The following LYPD6 variants were observed in gnomAD, a reference collection of about 807,000 sequenced individuals.
LYPD6 encodes ly6/PLAUR domain-containing protein 6.
A neutral mutation model predicts 22.7 loss-of-function variants in LYPD6; 15 were observed. That is an observed-to-expected ratio of 0.66 (90% CI 0.44 to 1.02). The LOEUF (loss-of-function observed/expected upper bound fraction) is 1.02, where lower values mean the gene tolerates loss of function less well. Among genes scored for constraint, LYPD6 ranks in the 50% least tolerant of loss-of-function variants. The pLI, the probability that LYPD6 is intolerant of heterozygous loss-of-function variation, is 0.00. For missense variants in LYPD6, 189 were observed against 208.4 expected (o/e 0.91, Z 0.57); for synonymous variants, 72 against 77.5 (o/e 0.93, Z 0.37).
chr2:149,451,408 C>T (rs1009749741), intron 3 of LYPD6, among the ~76,000 whole-genome samples: 4 of 152,306 alleles, frequency 2.6e-5, no homozygotes, highest in Middle Eastern at 3.4e-3. Context: ...GGGACACATT[C>T]GGACCATAGC....
intron 2 of LYPD6, among the ~76,000 whole-genome samples, chr2:149,445,862 C>G (rs879415342): frequency 1.3e-5 from 2 of 152,188 alleles, no homozygotes; most frequent in Non-Finnish European, 2.9e-5. Flanking sequence ...AGAACCTTTC[C>G]TTTATATTTA....
chr2:149,479,679 T>C, the LYPD6 span, among the ~76,000 whole-genome samples: 111 of 152,266 alleles, frequency 7.3e-4, no homozygotes, highest in African/African-American at 2.6e-3. Flanking sequence ...CTCTTTCAAG[T>C]CTATCCACTC....
intron 1 of LYPD6, among the ~76,000 whole-genome samples, chr2:149,365,452 T>G (rs548219053): frequency 1.3e-5 from 2 of 152,354 alleles, no homozygotes; most frequent in East Asian, 3.9e-4. Context: ...TGTCAGAACC[T>G]GTCTTTGGCT....
chr2:149,388,170 C>T (rs1682229146), intron 1 of LYPD6, among the ~76,000 whole-genome samples: 2 of 95,032 alleles, frequency 2.1e-5, no homozygotes, highest in South Asian at 3.5e-4. Flanking sequence ...CTTTCTTTCT[C>T]TCTCTCTCTC....
chr2:149,460,385 A>T (rs2105174143), intron 3 of LYPD6, among the ~76,000 whole-genome samples: 1 of 152,252 alleles, frequency 6.6e-6, no homozygotes, highest in Admixed American at 6.5e-5. Flanking sequence ...TACCAGAGGC[A>T]GAGAGGAACA....
At chr2:149,358,719 AG>A (rs1353931181) in intron 1 of LYPD6, among the ~76,000 whole-genome samples, 4 of 152,134 alleles carry the variant, frequency 2.6e-5, no homozygotes, top group Non-Finnish European at 5.9e-5. Flanking sequence ...TCTAGATATT[AG>A]TAGTTTTCCA....
In LYPD6 at chr2:149,471,179, C is replaced by T. The variant is rs1681326724; in HGVS notation, c.*329C>T. The T allele has an allele frequency of 4.9e-6, 1 of 203,700 alleles. No individual in the cohort carries two copies. Among genetic ancestry groups the T allele is most frequent in the Non-Finnish European group, 1.0e-5 (1 of 99,910 alleles). 12.6% of individuals were successfully genotyped at this position (203,700 alleles called of 1,614,324 possible). The stretch of plus-strand genomic sequence containing the variant: ...AATACATGCATGAGATGCAGTAGGT[C>T]CTGAGACTGTAAGATATTAGGAGTA... On this transcript the variant is annotated 3_prime_UTR_variant, in exon 5 of 5. Transcript: ENST00000334166.
intron 3 of LYPD6, among the ~76,000 whole-genome samples, chr2:149,467,744 TA>T (rs1681232974): frequency 6.6e-6 from 1 of 152,190 alleles, no homozygotes; most frequent in African/African-American, 2.4e-5. Flanking sequence ...TTTTCTTTTT[TA>T]ATGTGAAAGT....
At position 149,472,959 on chromosome 2, in the gene LYPD6, T is replaced by C. The variant is rs574877479; in HGVS notation, c.*2109T>C. The C allele has an allele frequency of 6.6e-6, 1 of 152,652 alleles. No homozygotes were observed. Among genetic ancestry groups the C allele is most frequent in the Non-Finnish European group, 1.5e-5 (1 of 68,034 alleles). The allele number at this position is 152,652 out of a possible 1,614,324, so 9.5% of individuals were successfully genotyped here. ...CACCCTGCTGTTGCAGGATGCTATT[T>C]GCATGTGTCCCCAGGTGATGTTTTT... On this transcript the variant is annotated 3_prime_UTR_variant, in exon 5 of 5. Coordinates refer to ENST00000334166, the MANE Select transcript of LYPD6 (RefSeq NM_194317.5).
At chr2:149,406,861 T>C (rs2105116644) in intron 1 of LYPD6, among the ~76,000 whole-genome samples, 1 of 151,074 alleles carries the variant, frequency 6.6e-6, no homozygotes, top group South Asian at 2.1e-4. Context: ...GATTTTGCAG[T>C]GGCTGGTATC....
chr2:149,421,020 T>G (rs901159009), intron 1 of LYPD6, among the ~76,000 whole-genome samples: 8 of 152,190 alleles, frequency 5.3e-5, no homozygotes, highest in African/African-American at 1.9e-4. Flanking sequence ...AGAGCCATCA[T>G]GAGGAGTTTT....
intron 3 of LYPD6, among the ~76,000 whole-genome samples, chr2:149,459,240 A>T (rs1470304216): frequency 6.6e-6 from 1 of 152,230 alleles, no homozygotes; most frequent in African/African-American, 2.4e-5. Flanking sequence ...AGTCAATGGT[A>T]CAATATTTTC....
intron 1 of LYPD6, among the ~76,000 whole-genome samples, chr2:149,405,878 T>C (rs564954158): frequency 6.7e-6 from 1 of 148,690 alleles, no homozygotes; most frequent in East Asian, 1.9e-4. Context: ...TTTAGTGCTA[T>C]AAATTTCCCT....
Position 149,468,744 on chromosome 2 carries a change from G to T in LYPD6, c.317G>T (p.Gly106Val). 1.9e-6 allele frequency: 3 copies of T among 1,613,600 alleles called. No homozygotes were observed. The highest frequency in any genetic ancestry group is 2.5e-6 in the Non-Finnish European group (3 of 1,179,702). The change falls in exon 4 of 5, where the codon GGC (glycine) becomes GTC (valine). Residue 106 changes from glycine to valine, a missense_variant. Transcript: ENST00000334166. ...CCACTGGAAGAGTGCTTATCCACTG[G>T]CTGCAGAGACTCCGAGCATGAAGGC... ...CVPLEECLST[G>V]CRDSEHEGHK...
chr2:149,392,150 T>A (rs1053549225), intron 1 of LYPD6, among the ~76,000 whole-genome samples: 3 of 152,094 alleles, frequency 2.0e-5, no homozygotes, highest in African/African-American at 7.2e-5. Context: ...TGGTGCCCCT[T>A]CCTATATAGG....
At chr2:149,480,724 TG>T in the LYPD6 span, among the ~76,000 whole-genome samples, 1 of 152,184 alleles carries the variant, frequency 6.6e-6, no homozygotes, top group Non-Finnish European at 1.5e-5. Context: ...GTTTCCTCGT[TG>T]TTGGGGGAGC....
rs145563957 is a variant in LYPD6 at position 149,463,530 on chromosome 2, G to T, written c.218-5115G>T. On this transcript the variant is annotated intron_variant, in intron 3 of 4. Coordinates refer to ENST00000334166, the MANE Select transcript of LYPD6 (RefSeq NM_194317.5). ...ACATAACCCAGCAGTTTCACTTCTG[G>T]TCACTCATACAGAGAAGTAAAAAGT... 9.2e-5 allele frequency among the ~76,000 whole-genome samples: 14 copies of T among 152,254 alleles called. No homozygotes were observed. In the East Asian group the frequency reaches 2.7e-3, roughly 29 times the overall value.
chr2:149,398,691 G>T lies in LYPD6; in HGVS notation c.-71-38947G>T, dbSNP rs79377155. ...GCTGTTCACAGTTCCCAAACAGCTC[G>T]ACCTGAATTGAACTCTGAGGGTGAA... On this transcript the variant is annotated intron_variant, in intron 1 of 4. Transcript: ENST00000334166. 8.2e-3 allele frequency among the ~76,000 whole-genome samples: 1,247 copies of T among 152,106 alleles called. 21 individuals are homozygous for T. Among genetic ancestry groups the T allele is most frequent in the African/African-American group, 0.028 (1,164 of 41,464 alleles).
chr2:149,451,922 A>G (rs143907319), intron 3 of LYPD6, among the ~76,000 whole-genome samples: 13 of 152,202 alleles, frequency 8.5e-5, no homozygotes, highest in Admixed American at 6.5e-4. Context: ...TGTCAAAATT[A>G]GCAGGACAAA....
Sources: gnomAD v4.1 joint callset for allele counts (sites outside exome capture counted in the v4.1 genomes callset) on GRCh38, gnomAD v4.1.1 for gene constraint, MANE v1.5 for transcripts, NCBI Gene and HGNC (gene_info 2026-07-23, HGNC 2026-07-21) for gene names.